Variants in GIT2 observed in about 807,000 individuals in gnomAD.
GIT2 encodes GIT ArfGAP 2, also known as ARF GTPase-activating protein GIT2.
A neutral mutation model predicts 100.3 loss-of-function variants in GIT2; 32 were observed. The observed-to-expected ratio is 0.32, with a 90% CI of 0.24 to 0.43. The LOEUF (loss-of-function observed/expected upper bound fraction) is 0.43, where lower values mean the gene tolerates loss of function less well. Among genes scored for constraint, GIT2 ranks in the 20% least tolerant of loss-of-function variants. The pLI is 1.00. For synonymous variants in GIT2, 353 were observed against 364.1 expected (o/e 0.97, Z 0.35); for missense variants, 737 against 975.1 (o/e 0.76, Z 3.25).
At position 109,991,530 on chromosome 12, in the gene GIT2, T is replaced by C. The variant is rs1888402878; in HGVS notation, c.186+97A>G. The C allele has an allele frequency of 7.8e-6, 7 of 902,390 alleles. No homozygotes were observed. The South Asian group carries it at 9.3e-5, about 12-fold the overall frequency. 55.9% of individuals were successfully genotyped at this position (902,390 alleles called of 1,614,324 possible). A position where few individuals can be genotyped will look rare whatever the true frequency, so the allele number is the denominator to read the frequency against. ...TCTATTCAATTATGAAACAGTTTTG[T>C]CTTATGGAAGAAGTACACCAGGAGA... On this transcript the variant is annotated intron_variant, in intron 2 of 19. Coordinates refer to ENST00000355312, the MANE Select transcript of GIT2 (RefSeq NM_057169.5).
At chr12:109,957,944 T>TA (rs1879960194) in intron 12 of GIT2, among the ~76,000 whole-genome samples, 1 of 151,948 alleles carries the variant, frequency 6.6e-6, no homozygotes, top group African/African-American at 2.4e-5. Context: ...TTTTTTAAGT[T>TA]AAAAATTTTT....
chr12:109,945,991 A>G (rs1592977912), intron 15 of GIT2, among the ~76,000 whole-genome samples: 1 of 152,188 alleles, frequency 6.6e-6, no homozygotes, highest in East Asian at 1.9e-4. Context: ...AAAATTAGCC[A>G]GGCACAGGAC....
chr12:109,946,293 AAT>A (rs1876340591), intron 15 of GIT2, among the ~76,000 whole-genome samples: 1 of 152,176 alleles, frequency 6.6e-6, no homozygotes, highest in Non-Finnish European at 1.5e-5. Flanking sequence ...CCACACTGAA[AAT>A]TGACAAAATT....
chr12:109,977,749 G>A (rs1885402533), intron 7 of GIT2, among the ~76,000 whole-genome samples: 1 of 151,872 alleles, frequency 6.6e-6, no homozygotes, highest in Non-Finnish European at 1.5e-5. Context: ...TTGAACCTGG[G>A]AGGCGGAGGT....
intron 11 of GIT2, among the ~76,000 whole-genome samples, chr12:109,960,241 A>G (rs1027387847): frequency 7.2e-5 from 11 of 152,234 alleles, no homozygotes; most frequent in African/African-American, 2.7e-4. Context: ...CAAAAATAAA[A>G]TGGGTCTACT....
intron 12 of GIT2, among the ~76,000 whole-genome samples, chr12:109,958,510 TG>T (rs1182231571): frequency 6.6e-6 from 1 of 152,230 alleles, no homozygotes; most frequent in Non-Finnish European, 1.5e-5. Flanking sequence ...CTCAAAGTGC[TG>T]GGATTACAGG....
intron 18 of GIT2, among the ~76,000 whole-genome samples, 192 bp downstream of exon 18, chr12:109,938,187 GA>G (rs1682857667): frequency 6.6e-6 from 1 of 152,124 alleles, no homozygotes; most frequent in African/African-American, 2.4e-5. Context: ...TGAAAAAAAA[GA>G]AAATACCATG....
At chr12:109,942,378 A>G (rs1032351348) in intron 16 of GIT2, among the ~76,000 whole-genome samples, 1 of 152,036 alleles carries the variant, frequency 6.6e-6, no homozygotes, top group Non-Finnish European at 1.5e-5. Context: ...CCCAGGCTGG[A>G]GTGCAGTGGT....
intron 10 of GIT2, 99 bp from the exon 11 acceptor site, chr12:109,961,474 A>AAGCC: frequency 1.1e-6 from 1 of 945,378 alleles, no homozygotes; most frequent in South Asian, 1.3e-5. Flanking sequence ...ACACACTCTG[A>AAGCC]AGCCAACACA....
intron 16 of GIT2, among the ~76,000 whole-genome samples, chr12:109,940,936 CA>C (rs996419670): frequency 7.9e-5 from 12 of 150,956 alleles, no homozygotes; most frequent in Non-Finnish European, 1.6e-4. Context: ...AAAAAAACCC[CA>C]CAAAACTCTA....
chr12:109,990,251 A>C (rs1371436540), intron 2 of GIT2, among the ~76,000 whole-genome samples: 1 of 152,240 alleles, frequency 6.6e-6, no homozygotes, highest in African/African-American at 2.4e-5. Context: ...CATTAAAAAA[A>C]ACATGTATTA....
intron 7 of GIT2, among the ~76,000 whole-genome samples, chr12:109,973,079 C>T (rs1368888027): frequency 1.3e-5 from 2 of 152,088 alleles, no homozygotes; most frequent in Non-Finnish European, 2.9e-5. Flanking sequence ...CCTCCTACTT[C>T]GGCCTTTCAA....
Position 109,933,523 on chromosome 12 carries a change from G to A in GIT2, c.2068-333C>T. On this transcript the variant is annotated intron_variant, in intron 19 of 19. Transcript: ENST00000355312. This position sits in a 1 kb window ranked among gnomAD's most constrained non-coding sequence, Gnocchi z 4.5. Reference sequence around the variant, plus strand: ...TAAAATGTGCCTTTTAGCACGACTTGTATATCCTTGTCTTATTAAATCAAC... The same window carrying A: ...TAAAATGTGCCTTTTAGCACGACTTATATATCCTTGTCTTATTAAATCAAC... 3.9e-6 allele frequency: 1 copy of A among 258,946 alleles called. No homozygotes were observed. 16.0% of individuals were successfully genotyped at this position (258,946 alleles called of 1,614,324 possible).
upstream of GIT2, chr12:109,999,366 A>C (rs1482066940): frequency 6.3e-6 from 1 of 159,254 alleles, no homozygotes. The surrounding 1 kb of genome is among the most constrained non-coding windows in gnomAD (Gnocchi z 4.3). Context: ...AAGGTCGCCT[A>C]TCCCCGCCGC....
chr12:109,959,742 T>G (rs531712158), intron 12 of GIT2, 105 bp downstream of exon 12: 2 of 703,866 alleles, frequency 2.8e-6, no homozygotes, highest in African/African-American at 3.6e-5. Flanking sequence ...CAAAAACCTA[T>G]AGAACTGTCA....
chr12:109,942,455 T>TC (rs1273405458), intron 16 of GIT2, among the ~76,000 whole-genome samples: 3 of 152,072 alleles, frequency 2.0e-5, no homozygotes, highest in Non-Finnish European at 4.4e-5. Context: ...TGCCTAAGCC[T>TC]CCCAAGTAGC....
intron 9 of GIT2, 29 bp from the exon 10 acceptor site, chr12:109,961,714 G>C: frequency 7.6e-7 from 1 of 1,308,310 alleles, no homozygotes. Context: ...AGGAACACAA[G>C]GGACAATGAT....
chr12:109,980,923 T>A (rs781399383), intron 7 of GIT2, 29 bp downstream of exon 7: 29 of 1,342,940 alleles, frequency 2.2e-5, no homozygotes, highest in Non-Finnish European at 3.1e-5. Context: ...CAACTGGAGA[T>A]GTGAAACGGT....
chr12:109,942,474 C>T (rs926568437), intron 16 of GIT2, among the ~76,000 whole-genome samples: 2 of 152,158 alleles, frequency 1.3e-5, no homozygotes, highest in East Asian at 3.9e-4. Context: ...GCTGGGACTA[C>T]AGGCACCCAC....
Sources: gnomAD v4.1 joint callset for allele counts (sites outside exome capture counted in the v4.1 genomes callset) on GRCh38, gnomAD v4.1.1 for gene constraint, Gnocchi (gnomAD v3.1) non-coding constraint, MANE v1.5 for transcripts, NCBI Gene and HGNC (gene_info 2026-07-23, HGNC 2026-07-21) for gene names.